The following OPCML variants were observed in gnomAD, a reference collection of about 807,000 sequenced individuals.
OPCML encodes the protein opioid binding protein/cell adhesion molecule like.
Under a neutral mutation model 37.8 loss-of-function variants are expected in OPCML, and 13 were observed. That is an observed-to-expected ratio of 0.34 (90% CI 0.22 to 0.55). The LOEUF is 0.55. Among genes scored for constraint, OPCML ranks in the 20% least tolerant of loss-of-function variants. OPCML has a pLI of 0.91. For missense variants in OPCML, 341 were observed against 435.6 expected (o/e 0.78, Z 1.93); for synonymous variants, 176 against 168.8 (o/e 1.04, Z -0.33).
chr11:133,140,905 G>A (rs1949789386), intron 1 of OPCML, among the ~76,000 whole-genome samples: 1 of 24,860 alleles, frequency 4.0e-5, no homozygotes, highest in Non-Finnish European at 1.5e-4. Flanking sequence ...AGACGACGAC[G>A]ACGAAGAAGA....
intron 2 of OPCML, among the ~76,000 whole-genome samples, chr11:132,669,413 A>G (rs931672962): frequency 6.6e-6 from 1 of 152,074 alleles, no homozygotes; most frequent in Non-Finnish European, 1.5e-5. Context: ...TGGAAAAGGG[A>G]AAAGGGAAAA....
At chr11:132,498,628 A>G (rs1216365943) in intron 4 of OPCML, among the ~76,000 whole-genome samples, 2 of 152,210 alleles carry the variant, frequency 1.3e-5, no homozygotes, top group Admixed American at 6.5e-5. Context: ...ATTTTCCTCT[A>G]CAATTCCTCT....
chr11:132,670,155 C>A (rs542104804), intron 2 of OPCML, among the ~76,000 whole-genome samples: 3 of 152,164 alleles, frequency 2.0e-5, no homozygotes, highest in African/African-American at 4.8e-5. Flanking sequence ...TATTTACTCA[C>A]GACCATGTCT....
In OPCML at chr11:132,943,395, G is replaced by A. The variant is rs920954551; in HGVS notation, c.62-385C>T. On this transcript the variant is annotated intron_variant, in intron 1 of 7. Coordinates refer to ENST00000524381, the MANE Select transcript of OPCML (RefSeq NM_001012393.5). This position sits in a 1 kb window ranked among gnomAD's most constrained non-coding sequence, Gnocchi z 4.3. ...GAGGGGAGAGGAAGAAGCAAGGTGC[G>A]GGGATGAAGGTCACAGATTGCGCTT... 12 of 454,992 alleles carry A rather than the reference G, an allele frequency of 2.6e-5. No homozygotes were observed. The highest frequency in any genetic ancestry group is 3.9e-5 in the African/African-American group (2 of 51,410). The allele number at this position is 454,992 out of a possible 1,614,324, so 28.2% of individuals were successfully genotyped here.
At chr11:133,138,010 AT>A (rs1191527105) in intron 1 of OPCML, among the ~76,000 whole-genome samples, 2 of 152,176 alleles carry the variant, frequency 1.3e-5, no homozygotes, top group Non-Finnish European at 2.9e-5. Flanking sequence ...TCAGGTTAAA[AT>A]TTGATTCCCA....
chr11:132,696,697 A>T (rs1943612574), intron 2 of OPCML, among the ~76,000 whole-genome samples: 1 of 152,122 alleles, frequency 6.6e-6, no homozygotes, highest in African/African-American at 2.4e-5. Context: ...CTCGTATCAG[A>T]TAGGAACTAT....
chr11:132,685,318 A>T (rs536286690), intron 2 of OPCML, among the ~76,000 whole-genome samples: 39 of 152,310 alleles, frequency 2.6e-4, no homozygotes, highest in African/African-American at 7.7e-4. Context: ...TTGCTTCTTC[A>T]AGAGACCTAA....
intron 1 of OPCML, among the ~76,000 whole-genome samples, chr11:133,057,600 G>T (rs1948263911): frequency 6.6e-6 from 1 of 152,172 alleles, no homozygotes; most frequent in South Asian, 2.1e-4. Context: ...AGCTCCACTT[G>T]CAAAGCTATA....
intron 7 of OPCML, among the ~76,000 whole-genome samples, chr11:132,421,045 C>T (rs1034589198): frequency 6.6e-5 from 10 of 152,002 alleles, no homozygotes; most frequent in Non-Finnish European, 1.5e-4. Context: ...CAAGGTCCAC[C>T]GGGAAATAAG....
At chr11:133,289,218 T>G (rs974647827) in intron 1 of OPCML, among the ~76,000 whole-genome samples, 1 of 152,220 alleles carries the variant, frequency 6.6e-6, no homozygotes, top group African/African-American at 2.4e-5. Flanking sequence ...ATTTAGGAAA[T>G]GTTCACATAA....
chr11:132,782,275 T>A (rs534670439), intron 2 of OPCML, among the ~76,000 whole-genome samples: 1 of 150,700 alleles, frequency 6.6e-6, no homozygotes, highest in African/African-American at 2.4e-5. Context: ...TGTTGCCAGC[T>A]GGGTTTCCAT....
chr11:133,412,515 T>C (rs1181514411), intron 1 of OPCML, among the ~76,000 whole-genome samples: 2 of 152,228 alleles, frequency 1.3e-5, no homozygotes, highest in African/African-American at 4.8e-5. Context: ...ATCAACCTCA[T>C]GATAGCTATT....
chr11:132,998,541 GA>G (rs1375707616), intron 1 of OPCML, among the ~76,000 whole-genome samples: 1 of 152,044 alleles, frequency 6.6e-6, no homozygotes, highest in African/African-American at 2.4e-5. Flanking sequence ...CCAAAAAGGG[GA>G]AAAAACAATC....
chr11:133,472,905 G>C (rs981039420), intron 1 of OPCML, among the ~76,000 whole-genome samples: 2 of 151,988 alleles, frequency 1.3e-5, no homozygotes, highest in African/African-American at 4.8e-5. Flanking sequence ...CCCCAGTCCT[G>C]TCCCAGCCCT....
At chr11:133,164,631 G>T (rs1459289820) in intron 1 of OPCML, among the ~76,000 whole-genome samples, 4 of 152,188 alleles carry the variant, frequency 2.6e-5, no homozygotes, top group Non-Finnish European at 5.9e-5. Flanking sequence ...AGACATTAAG[G>T]CACAGAGCCC....
intron 1 of OPCML, among the ~76,000 whole-genome samples, chr11:133,278,595 G>A (rs1942056607): frequency 2.0e-5 from 3 of 151,996 alleles, no homozygotes; most frequent in South Asian, 2.1e-4. Flanking sequence ...TATATAAGAG[G>A]AGGAGATTGA....
intron 4 of OPCML, among the ~76,000 whole-genome samples, chr11:132,497,410 G>A (rs796333706): frequency 4.2e-5 from 5 of 117,918 alleles, no homozygotes; most frequent in African/African-American, 1.3e-4. Flanking sequence ...TAAAATAAAA[G>A]CTGAACAAAA....
At chr11:133,077,857 T>C (rs1368897179) in intron 1 of OPCML, among the ~76,000 whole-genome samples, 3 of 151,920 alleles carry the variant, frequency 2.0e-5, no homozygotes, top group African/African-American at 7.3e-5. Flanking sequence ...CTCAGATAAA[T>C]ACAGACTGAA....
intron 1 of OPCML, among the ~76,000 whole-genome samples, chr11:133,231,516 C>G (rs1325220558): frequency 1.3e-5 from 2 of 152,152 alleles, no homozygotes; most frequent in Non-Finnish European, 2.9e-5. Context: ...GCAGAGCTCT[C>G]CTGAGATCCC....
Sources: gnomAD v4.1 joint callset for allele counts (sites outside exome capture counted in the v4.1 genomes callset) on GRCh38, gnomAD v4.1.1 for gene constraint, Gnocchi (gnomAD v3.1) non-coding constraint, MANE v1.5 for transcripts, NCBI Gene and HGNC (gene_info 2026-07-23, HGNC 2026-07-21) for gene names.